Variants in BICRA observed in about 807,000 individuals in gnomAD.
The protein encoded by BICRA is BRD4-interacting chromatin-remodeling complex-associated protein.
A neutral mutation model predicts 96.9 loss-of-function variants in BICRA; 31 were observed. The ratio of observed to expected loss-of-function variants is 0.32; its 90% confidence interval spans 0.24 to 0.43. BICRA has a LOEUF of 0.43. Among genes scored for constraint, BICRA ranks in the 20% least tolerant of loss-of-function variants. The probability of loss-of-function intolerance (pLI) is 1.00; values close to 1 mark genes in which losing one functional copy is unlikely to be tolerated. For missense variants in BICRA, 2,283 were observed against 2,190.3 expected (o/e 1.04, Z -0.84); for synonymous variants, 1,350 against 1,071.8 (o/e 1.26, Z -5.07).
Position 47,681,006 on chromosome 19 carries a change from C to G in BICRA, c.1836C>G (p.Thr612=), listed in dbSNP as rs1285697143. ...AGCCGGCCACCCCTGCCGCTGCCAC[C>G]GGGGAGGCCGCGCCTGTCCTCACGG... ...LVQPATPAAA[T]GEAAPVLTVQ... The change falls in exon 6 of 15, where the codon ACC becomes ACG. Residue 612 remains threonine (T), a synonymous_variant. Transcript: ENST00000594866. 6.2e-6 allele frequency: 9 copies of G among 1,456,798 alleles called. No individual in the cohort carries two copies. The highest frequency in any genetic ancestry group is 8.1e-6 in the Non-Finnish European group (9 of 1,113,302). 90.2% of individuals were successfully genotyped at this position (1,456,798 alleles called of 1,614,324 possible).
chr19:47,696,868 G>A (rs1973352379), intron 11 of BICRA, among the ~76,000 whole-genome samples: 2 of 152,044 alleles, frequency 1.3e-5, no homozygotes, highest in African/African-American at 4.8e-5. Context: ...GTGAGTGGGT[G>A]GACATGGCTG....
chr19:47,679,619 C>T lies in BICRA; in HGVS notation c.449C>T (p.Ala150Val), dbSNP rs1318644811. 12 of 1,517,356 alleles carry T rather than the reference C, an allele frequency of 7.9e-6. No homozygotes were observed. Among genetic ancestry groups the T allele is most frequent in the Non-Finnish European group, 1.1e-5 (12 of 1,132,764 alleles). 94.0% of individuals were successfully genotyped at this position (1,517,356 alleles called of 1,614,324 possible). The change falls in exon 6 of 15, where the codon GCG (alanine) becomes GTG (valine). Residue 150 changes from alanine to valine, a missense_variant. Transcript: ENST00000594866. ...GGCCCGACGGGCGCTGGAGGGGCAG[C>T]GGCCGTGGCTGCGGGGCCCCAAGCC... ...GAGPTGAGGAAAVAAGPQALF... is the reference protein window; with the variant it reads ...GAGPTGAGGAVAVAAGPQALF...
chr19:47,671,536 C>A (rs190372888), intron 2 of BICRA, among the ~76,000 whole-genome samples: 137 of 151,816 alleles, frequency 9.0e-4, no homozygotes, highest in Middle Eastern at 6.8e-3. Flanking sequence ...GCAGAGGGTG[C>A]AGGAAGTAAT....
chr19:47,700,350 C>CAA (rs58785921), intron 14 of BICRA: 30 of 150,636 alleles, frequency 2.0e-4, no homozygotes, highest in East Asian at 1.4e-3. Context: ...GACTCCGTCT[C>CAA]AAAAAAAAAG....
intron 1 of BICRA, among the ~76,000 whole-genome samples, chr19:47,609,603 G>A (rs1012878162): frequency 6.6e-6 from 1 of 151,480 alleles, no homozygotes; most frequent in African/African-American, 2.4e-5. Flanking sequence ...GGGGAGGGGC[G>A]CGGAGACCCC....
intron 1 of BICRA, among the ~76,000 whole-genome samples, chr19:47,665,389 T>C (rs923202634): frequency 2.0e-5 from 3 of 152,240 alleles, no homozygotes; most frequent in Non-Finnish European, 4.4e-5. Context: ...AAAGTTCCTG[T>C]CCTGGGGGAC....
Position 47,673,886 on chromosome 19 carries a change from C to T in BICRA, c.84+124C>T, listed in dbSNP as rs545404105. 67 of 850,514 alleles carry T rather than the reference C, an allele frequency of 7.9e-5. 1 individual carries two copies. Among genetic ancestry groups the T allele is most frequent in the Middle Eastern group, 6.8e-4 (2 of 2,962 alleles). The allele number at this position is 850,514 out of a possible 1,614,324, so 52.7% of individuals were successfully genotyped here. On this transcript the variant is annotated intron_variant, in intron 4 of 14. Coordinates refer to ENST00000594866, the MANE Select transcript of BICRA (RefSeq NM_001394372.1). Reference sequence around the variant, plus strand: ...CTGCCTTGTGGCTTCTAACGCCAGGCACTGGAGTTACGGCCATGAGCAAAA... The same window carrying T: ...CTGCCTTGTGGCTTCTAACGCCAGGTACTGGAGTTACGGCCATGAGCAAAA...
intron 1 of BICRA, among the ~76,000 whole-genome samples, chr19:47,652,803 C>G (rs1305320613): frequency 6.6e-6 from 1 of 152,144 alleles, no homozygotes; most frequent in Non-Finnish European, 1.5e-5. Flanking sequence ...TCTGCCAGGT[C>G]CCTTCATAGT....
At position 47,640,699 on chromosome 19, in the gene BICRA, A is replaced by T. The variant is rs1379704073; in HGVS notation, c.-107-29744A>T. On this transcript the variant is annotated intron_variant, in intron 1 of 14. Transcript: ENST00000594866. ...GTCATTGTAACCGGCCCTTGCTGAA[A>T]AGGTGACATTTGAACAAAGACCTGA... Among the ~76,000 whole-genome samples the T allele has an allele frequency of 3.9e-5, 6 of 152,100 alleles. No homozygotes were observed. The East Asian group carries it at 1.2e-3, about 29-fold the overall frequency.
Position 47,695,365 on chromosome 19 carries a change from G to A in BICRA, c.3077G>A (p.Gly1026Asp). ...TCTCCCCCACCCCACCCACCCCCAG[G>A]CCTCCCTCCTCTGCTTCCAGCCGAG... is the stretch of plus-strand genomic sequence containing the variant. ...APAPAPMAATGLPPLLPAENK... is the reference protein window; with the variant it reads ...APAPAPMAATDLPPLLPAENK... The change falls in exon 10 of 15, where the codon GGC becomes GAC. Residue 1026 changes from glycine (G) to aspartate (D), a missense_variant and splice_region_variant. By Grantham distance (94) the Gly-to-Asp change is moderately conservative (BLOSUM62 -1). Coordinates refer to ENST00000594866, the MANE Select transcript of BICRA (RefSeq NM_001394372.1). The A allele has an allele frequency of 4.6e-6, 2 of 432,364 alleles. No homozygotes were observed. The highest frequency in any genetic ancestry group is 7.4e-6 in the Non-Finnish European group (2 of 270,480). 26.8% of individuals were successfully genotyped at this position (432,364 alleles called of 1,614,324 possible). A position where few individuals can be genotyped will look rare whatever the true frequency, so the allele number is the denominator to read the frequency against.
chr19:47,688,865 C>T (rs560049825), intron 7 of BICRA, among the ~76,000 whole-genome samples: 2 of 152,174 alleles, frequency 1.3e-5, no homozygotes, highest in South Asian at 2.1e-4. Flanking sequence ...CTCTCTCTCT[C>T]GCCCGGGCTG....
intron 7 of BICRA, among the ~76,000 whole-genome samples, chr19:47,682,578 C>G (rs749066517): frequency 6.6e-6 from 1 of 151,948 alleles, no homozygotes; most frequent in Non-Finnish European, 1.5e-5. Flanking sequence ...GATTCTTTTC[C>G]TTCAATTTTT....
chr19:47,683,804 T>C lies in BICRA; in HGVS notation c.2283+1652T>C, dbSNP rs1973103499. Among the ~76,000 whole-genome samples, 3 of 152,162 alleles carry C rather than the reference T, an allele frequency of 2.0e-5. No individual in the cohort carries two copies. In the South Asian group the frequency reaches 6.2e-4, roughly 32 times the overall value. On this transcript the variant is annotated intron_variant, in intron 7 of 14. Coordinates refer to ENST00000594866, the MANE Select transcript of BICRA (RefSeq NM_001394372.1). ...TTTCACCATGTTAGCCAGGATGGTC[T>C]CGATCTCCTGACCTCGTTATCCACC...
intron 1 of BICRA, among the ~76,000 whole-genome samples, chr19:47,633,980 C>T (rs763287574): frequency 5.9e-5 from 9 of 152,252 alleles, no homozygotes; most frequent in Non-Finnish European, 1.2e-4. Flanking sequence ...TTTCAGAACA[C>T]GTCTCACTCC....
intron 1 of BICRA, among the ~76,000 whole-genome samples, chr19:47,630,587 ATTCTT>A (rs1489636762): frequency 2.6e-5 from 4 of 152,146 alleles, no homozygotes; most frequent in Admixed American, 2.6e-4. Flanking sequence ...ATGTATCAGA[ATTCTT>A]TTCTTTTTTT....
At chr19:47,658,855 T>C (rs1376020009) in intron 1 of BICRA, among the ~76,000 whole-genome samples, 2 of 149,368 alleles carry the variant, frequency 1.3e-5, no homozygotes, top group Non-Finnish European at 3.0e-5. Flanking sequence ...CCCCTTTGCT[T>C]CCCTTAGCTG....
At chr19:47,649,942 A>T (rs1383794617) in intron 1 of BICRA, among the ~76,000 whole-genome samples, 1 of 152,146 alleles carries the variant, frequency 6.6e-6, no homozygotes, top group Admixed American at 6.6e-5. Flanking sequence ...GTGCAAAAGT[A>T]ATTGCAGTTT....
chr19:47,695,277 G>T, intron 9 of BICRA, 88 bp from the exon 10 acceptor site: 1 of 788,002 alleles, frequency 1.3e-6, no homozygotes, highest in East Asian at 2.7e-5. Context: ...GAGGAGAGCG[G>T]TGGGGTACAG....
rs181133256 is a variant in BICRA, at chr19:47,635,236, G to C, written c.-108+26068G>C. 3.8e-3 allele frequency among the ~76,000 whole-genome samples: 567 copies of C among 150,054 alleles called. 3 individuals carry two copies. The highest frequency in any genetic ancestry group is 6.2e-3 in the Non-Finnish European group (418 of 67,664). The stretch of plus-strand genomic sequence containing the variant: ...ATAATGTTGTACAATCATCACTACT[G>C]TCCATTTCTAGGATTTTTTTTTTTT... On this transcript the variant is annotated intron_variant, in intron 1 of 14. Transcript: ENST00000594866.
Sources: gnomAD v4.1 joint callset for allele counts (sites outside exome capture counted in the v4.1 genomes callset) on GRCh38, gnomAD v4.1.1 for gene constraint, MANE v1.5 for transcripts, NCBI Gene and HGNC (gene_info 2026-07-23, HGNC 2026-07-21) for gene names.